SSPN: variants seen among roughly 807,000 people sequenced by gnomAD.
The protein encoded by SSPN is sarcospan.
In SSPN, 15 loss-of-function variants were observed where a neutral mutation model predicts 19.1. The ratio of observed to expected loss-of-function variants is 0.78; its 90% CI spans 0.52 to 1.21. The LOEUF is 1.21. SSPN is among the 50% of genes most tolerant of loss of function. SSPN has a pLI of 0.00. For synonymous variants in SSPN, 147 were observed against 140.3 expected, an observed-to-expected ratio of 1.05 and a Z score of -0.34; for missense variants, 291 against 314.0, an observed-to-expected ratio of 0.93 and a Z score of 0.55.
chr12:26,168,074 G>A (rs1565676719), intron 1 of SSPN, among the ~76,000 whole-genome samples: 1 of 151,910 alleles, frequency 6.6e-6, no homozygotes, highest in Non-Finnish European at 1.5e-5. Flanking sequence ...TTAGCAGGAT[G>A]TGATGGCGCA....
At chr12:26,185,168 A>T (rs908244339) in intron 1 of SSPN, among the ~76,000 whole-genome samples, 1 of 152,218 alleles carries the variant, frequency 6.6e-6, no homozygotes, top group Non-Finnish European at 1.5e-5. Flanking sequence ...TGATGTAGTC[A>T]ATATCTCAGT....
chr12:26,167,169 T>G (rs951644219), intron 1 of SSPN, among the ~76,000 whole-genome samples: 9 of 152,232 alleles, frequency 5.9e-5, no homozygotes, highest in African/African-American at 2.2e-4. Context: ...CAAACAATTA[T>G]TGAGAACTAG....
intron 1 of SSPN, among the ~76,000 whole-genome samples, chr12:26,138,839 A>G (rs1944443460): frequency 6.6e-6 from 1 of 152,184 alleles, no homozygotes; most frequent in South Asian, 2.1e-4. Flanking sequence ...AAGATAAACT[A>G]TAGTCCATTT....
intron 1 of SSPN, among the ~76,000 whole-genome samples, chr12:26,215,960 G>A (rs1298502783): frequency 6.6e-6 from 1 of 152,178 alleles, no homozygotes; most frequent in Non-Finnish European, 1.5e-5. Flanking sequence ...GGCAATGAAT[G>A]TATATCTAGC....
At position 26,141,629 on chromosome 12, in the gene SSPN, A is replaced by G. The variant is rs150270340; in HGVS notation, c.-31+19477A>G. Among the ~76,000 whole-genome samples the G allele has an allele frequency of 3.4e-3, 516 of 152,238 alleles. 6 individuals carry two copies. The highest frequency in any genetic ancestry group is 0.027 in the East Asian group (139 of 5,184). ...CACCACCACCACCTGGTCACTTTTT[A>G]CTCTGTGCTTTATTTTCTGAATAGC... On this transcript the variant is annotated intron_variant, in intron 1 of 2. Transcript: ENST00000538142.
intron 1 of SSPN, among the ~76,000 whole-genome samples, chr12:26,171,778 A>G (rs1001567952): frequency 3.3e-5 from 5 of 152,234 alleles, no homozygotes; most frequent in Non-Finnish European, 7.3e-5. Context: ...CACATAAACA[A>G]AATATCTTTG....
At chr12:26,198,450 C>T (rs951333243) in intron 1 of SSPN, among the ~76,000 whole-genome samples, 11 of 152,176 alleles carry the variant, frequency 7.2e-5, no homozygotes, top group African/African-American at 2.4e-4. Flanking sequence ...CCTACCTTTT[C>T]GGGTTGCCCT....
Position 26,232,153 on chromosome 12 carries a change from G to A in SSPN, c.*1077G>A. On this transcript the variant is annotated 3_prime_UTR_variant, in exon 3 of 3. Coordinates refer to ENST00000242729, the MANE Select transcript of SSPN (RefSeq NM_005086.5). ...TGGCAACCAATCTATGTTTGAGGAAGATTGGGTAATGCTGATGTGTTCCAT... is the reference window on the plus strand; with the variant it reads ...TGGCAACCAATCTATGTTTGAGGAAAATTGGGTAATGCTGATGTGTTCCAT... 2.0e-6 allele frequency: 2 copies of A among 985,494 alleles called. No homozygotes were observed. The highest frequency in any genetic ancestry group is 9.4e-5 in the South Asian group (2 of 21,290). The allele number at this position is 985,494 out of a possible 1,614,324, so 61.0% of individuals were successfully genotyped here.
intron 1 of SSPN, among the ~76,000 whole-genome samples, chr12:26,222,905 C>T (rs1460900278): frequency 6.6e-6 from 1 of 152,148 alleles, no homozygotes; most frequent in African/African-American, 2.4e-5. Context: ...CCAGGTCCTC[C>T]CATCAGTTAT....
chr12:26,177,873 C>G (rs978794054), intron 1 of SSPN, among the ~76,000 whole-genome samples: 3 of 152,204 alleles, frequency 2.0e-5, no homozygotes, highest in Non-Finnish European at 4.4e-5. Flanking sequence ...TGTATCATGA[C>G]TGCTCATCTC....
At chr12:26,221,686 G>C (rs974524930) in intron 1 of SSPN, among the ~76,000 whole-genome samples, 1 of 152,210 alleles carries the variant, frequency 6.6e-6, no homozygotes, top group East Asian at 1.9e-4. Context: ...TTACTGGAAT[G>C]TGTCTCTTAT....
At chr12:26,197,363 C>T (rs1363573076) in intron 1 of SSPN, among the ~76,000 whole-genome samples, 1 of 152,182 alleles carries the variant, frequency 6.6e-6, no homozygotes, top group Admixed American at 6.5e-5. Context: ...TTGGAGTTTT[C>T]TAAATCAAGT....
chr12:26,233,836 G>A lies in SSPN; in HGVS notation c.*2760G>A, dbSNP rs1417975440. On this transcript the variant is annotated 3_prime_UTR_variant, in exon 3 of 3. Coordinates refer to ENST00000242729, the MANE Select transcript of SSPN (RefSeq NM_005086.5). This position sits in a 1 kb window ranked among gnomAD's most constrained non-coding sequence, Gnocchi z 4.3. The stretch of plus-strand genomic sequence containing the variant: ...GGACTTGGCAGTACTTGAAACAGGA[G>A]GAATACACCAGCCTAAATGTACAGA... 1 of 152,190 alleles carries A rather than the reference G, an allele frequency of 6.6e-6. No individual in the cohort carries two copies. The highest frequency in any genetic ancestry group is 1.5e-5 in the Non-Finnish European group (1 of 68,056). 9.4% of individuals were successfully genotyped at this position (152,190 alleles called of 1,614,324 possible).
intron 1 of SSPN, among the ~76,000 whole-genome samples, chr12:26,160,666 A>G (rs1004094426): frequency 6.6e-6 from 1 of 152,166 alleles, no homozygotes; most frequent in African/African-American, 2.4e-5. Flanking sequence ...ATAGCCTGCT[A>G]TCACCCTAGT....
chr12:26,202,516 T>G (rs1332574772), intron 1 of SSPN, among the ~76,000 whole-genome samples: 3 of 152,266 alleles, frequency 2.0e-5, no homozygotes, highest in Non-Finnish European at 4.4e-5. Flanking sequence ...ATATTAGGAT[T>G]GATGTGGCTG....
intron 1 of SSPN, among the ~76,000 whole-genome samples, chr12:26,146,746 C>T (rs572350403): frequency 6.9e-6 from 1 of 144,500 alleles, no homozygotes; most frequent in African/African-American, 2.5e-5. Flanking sequence ...TTGCTTGAAC[C>T]AGGGAAGAGG....
intron 1 of SSPN, among the ~76,000 whole-genome samples, chr12:26,202,763 G>A (rs76524078): frequency 0.013 from 1,986 of 152,230 alleles, 21 homozygotes; most frequent in Non-Finnish European, 0.019. Context: ...TGGCCTGAAG[G>A]GTTAATGATA....
intron 1 of SSPN, chr12:26,211,702 C>T (rs1201827970): frequency 6.6e-6 from 1 of 152,186 alleles, no homozygotes; most frequent in Non-Finnish European, 1.5e-5. Flanking sequence ...TACAAGTGAA[C>T]ATCTGCAAAG....
intron 1 of SSPN, among the ~76,000 whole-genome samples, chr12:26,171,422 G>A (rs1275241966): frequency 1.3e-5 from 2 of 152,136 alleles, no homozygotes; most frequent in African/African-American, 4.8e-5. Context: ...GACCCTTCTA[G>A]GGGGTTTACA....
Sources: allele counts gnomAD v4.1 joint callset (sites outside exome capture counted in the v4.1 genomes callset), GRCh38; gene constraint gnomAD v4.1.1; non-coding constraint Gnocchi (gnomAD v3.1); transcripts MANE v1.5; gene names NCBI Gene and HGNC (gene_info 2026-07-23, HGNC 2026-07-21).